Variants in CAPN1 observed in about 807,000 individuals in gnomAD.
The protein encoded by CAPN1 is calpain-1 catalytic subunit.
In CAPN1, 77 loss-of-function variants were observed where a neutral mutation model predicts 105.2. The observed-to-expected ratio is 0.73, with a 90% CI of 0.61 to 0.88. The LOEUF (loss-of-function observed/expected upper bound fraction) is 0.88, where lower values mean the gene tolerates loss of function less well. CAPN1 is among the 40% of genes least tolerant of loss of function. The probability of loss-of-function intolerance (pLI) is 0.00; values close to 1 mark genes in which losing one functional copy is unlikely to be tolerated. For missense variants in CAPN1, 833 were observed against 976.6 expected, an observed-to-expected ratio of 0.85 and a Z score of 1.96; for synonymous variants, 355 against 388.8, an observed-to-expected ratio of 0.91 and a Z score of 1.02.
At chr11:65,191,818 T>A (rs573580620) in intron 10 of CAPN1, among the ~76,000 whole-genome samples, 1 of 152,054 alleles carries the variant, frequency 6.6e-6, no homozygotes, top group African/African-American at 2.4e-5. Flanking sequence ...TGTTCCTCCC[T>A]TTTTTTTATT....
rs751145947 is a variant in CAPN1, at chr11:65,208,275, G to A, written c.1729+13G>A. On this transcript the variant is annotated intron_variant, in intron 16 of 21. Coordinates refer to ENST00000279247, the MANE Select transcript of CAPN1 (RefSeq NM_005186.4). The surrounding 1 kb of genome is among the most constrained non-coding windows in gnomAD (Gnocchi z 4.1). ...ATCATCAGCAAACGTGAGTCCCCGC[G>A]GGGCTGTCCCACCACCCCACCATTT... 1.1e-5 allele frequency: 17 copies of A among 1,555,044 alleles called. No individual in the cohort carries two copies. Among genetic ancestry groups the A allele is most frequent in the Admixed American group, 1.9e-5 (1 of 51,466 alleles).
At chr11:65,199,538 A>C (rs1417319775) in intron 10 of CAPN1, among the ~76,000 whole-genome samples, 2 of 152,270 alleles carry the variant, frequency 1.3e-5, no homozygotes, top group East Asian at 3.9e-4. Flanking sequence ...CACTCTCTGT[A>C]TATTCTAATA....
At chr11:65,182,539 G>A (rs1486271479) in intron 1 of CAPN1, 162 bp from the exon 2 acceptor site, 3 of 671,320 alleles carry the variant, frequency 4.5e-6, no homozygotes, top group Non-Finnish European at 7.1e-6. Context: ...GGAGCACCGG[G>A]AGGTGGCTGA....
At position 65,186,356 on chromosome 11, in the gene CAPN1, C is replaced by A; in HGVS notation, c.759+18C>A. On this transcript the variant is annotated intron_variant, in intron 6 of 21. Transcript: ENST00000279247. ...CCATAGACGTGAGTGTGCCCGGCCC[C>A]GATGCTTTGGTACCCTGGAACCCTG... The A allele has an allele frequency of 6.3e-7, 1 of 1,599,074 alleles. No individual in the cohort carries two copies. The highest frequency in any genetic ancestry group is 8.5e-7 in the Non-Finnish European group (1 of 1,172,134).
intron 12 of CAPN1, 89 bp from the exon 13 acceptor site, chr11:65,206,374 C>G (rs1948956858): frequency 9.9e-7 from 1 of 1,013,084 alleles, no homozygotes; most frequent in South Asian, 1.3e-5. Context: ...TTGGCCAGGA[C>G]AAGGAGCCTG....
At chr11:65,206,441 G>C (rs376056548) in intron 12 of CAPN1, 22 bp from the exon 13 acceptor site, 1 of 1,603,080 alleles carries the variant, frequency 6.2e-7, no homozygotes, top group African/African-American at 1.3e-5. Flanking sequence ...CTGCAGCCCT[G>C]CTCCCTCCTC....
At position 65,210,920 on chromosome 11, in the gene CAPN1, G is replaced by T. The variant is rs770668658; in HGVS notation, c.2118+48G>T. On this transcript the variant is annotated intron_variant, in intron 21 of 21. Coordinates refer to ENST00000279247, the MANE Select transcript of CAPN1 (RefSeq NM_005186.4). This position sits in a 1 kb window ranked among gnomAD's most constrained non-coding sequence, Gnocchi z 4.3. ...GGTTGGGGAAGAGTTCCAGGCGATC[G>T]AATTTTCTTATCTGGCCAGTGTTCC... is the stretch of plus-strand genomic sequence containing the variant. 2 of 1,493,034 alleles carry T rather than the reference G, an allele frequency of 1.3e-6. No individual in the cohort carries two copies. The highest frequency in any genetic ancestry group is 1.1e-5 in the South Asian group (1 of 88,578). The allele number at this position is 1,493,034 out of a possible 1,614,324, so 92.5% of individuals were successfully genotyped here.
chr11:65,183,956 G>C (rs1467110), intron 4 of CAPN1, among the ~76,000 whole-genome samples: 94,664 of 152,000 alleles, frequency 0.62, 30,198 homozygotes, highest in Non-Finnish European at 0.7. Flanking sequence ...CCTTCTCCAC[G>C]TGTCAAGCCT....
At chr11:65,203,034 G>T (rs971219100) in intron 10 of CAPN1, among the ~76,000 whole-genome samples, 16 of 152,066 alleles carry the variant, frequency 1.1e-4, no homozygotes, top group Non-Finnish European at 1.0e-4. Flanking sequence ...TGTTTGCAAG[G>T]TTCCTCCATG....
rs1590867288 is a variant in CAPN1, at chr11:65,209,151, C to A, written c.1730-172C>A. 3.2e-6 allele frequency: 2 copies of A among 616,214 alleles called. No homozygotes were observed. The highest frequency in any genetic ancestry group is 1.9e-5 in the South Asian group (1 of 52,894). 38.2% of individuals were successfully genotyped at this position (616,214 alleles called of 1,614,324 possible). On this transcript the variant is annotated intron_variant, in intron 16 of 21. Transcript: ENST00000279247. This position sits in a 1 kb window ranked among gnomAD's most constrained non-coding sequence, Gnocchi z 4.1. Reference sequence around the variant, plus strand: ...GGACTTTGGCTTGATTGCTAAAATACTTTACTTGTACTTCCTGATGATACA... The same window carrying A: ...GGACTTTGGCTTGATTGCTAAAATAATTTACTTGTACTTCCTGATGATACA...
intron 10 of CAPN1, among the ~76,000 whole-genome samples, chr11:65,200,273 T>C (rs1438755713): frequency 6.6e-6 from 1 of 152,040 alleles, no homozygotes; most frequent in African/African-American, 2.4e-5. Flanking sequence ...GCTCCAGGAC[T>C]CATGCGATCT....
chr11:65,197,412 A>C (rs959577321), intron 10 of CAPN1, among the ~76,000 whole-genome samples: 2 of 152,162 alleles, frequency 1.3e-5, no homozygotes, highest in African/African-American at 4.8e-5. Flanking sequence ...CTTCATCTCT[A>C]ATAATTATTT....
chr11:65,183,546 A>G lies in CAPN1; in HGVS notation c.410A>G (p.His137Arg). 6.2e-7 allele frequency: 1 copy of G among 1,613,824 alleles called. No homozygotes were observed. Among genetic ancestry groups the G allele is most frequent in the Non-Finnish European group, 8.5e-7 (1 of 1,179,812 alleles). Residue 137 changes from histidine to arginine, a missense_variant, in exon 4 of 22, where the codon CAC becomes CGC. By Grantham distance (29) the His-to-Arg change is conservative. Transcript: ENST00000279247. ...ACCCTCCTGCACCGAGTGGTTCCGCACGGCCAGAGCTTCCAGAATGGCTAT... is the reference window on the plus strand; with the variant it reads ...ACCCTCCTGCACCGAGTGGTTCCGCGCGGCCAGAGCTTCCAGAATGGCTAT... The part of the protein sequence containing the change: ...NDTLLHRVVP[H>R]GQSFQNGYAG...
At chr11:65,205,742 C>T (rs1268587069) in intron 12 of CAPN1, 21 bp downstream of exon 12, 1 of 1,611,704 alleles carries the variant, frequency 6.2e-7, no homozygotes, top group Admixed American at 1.7e-5. Flanking sequence ...CACCATGACC[C>T]ACCTGCAGTC....
rs2137397214 is a variant in CAPN1 at position 65,208,985 on chromosome 11, C to T, written c.1730-338C>T. 2.8e-6 allele frequency: 1 copy of T among 360,294 alleles called. No homozygotes were observed. The highest frequency in any genetic ancestry group is 2.9e-5 in the South Asian group (1 of 34,534). 22.3% of individuals were successfully genotyped at this position (360,294 alleles called of 1,614,324 possible). A position where few individuals can be genotyped will look rare whatever the true frequency, so the allele number is the denominator to read the frequency against. The stretch of plus-strand genomic sequence containing the variant: ...CACGGTTTCCTTAAGCAGAGCTTTT[C>T]TCCTCCTCTTCTCTGCTAGTGAAGC... On this transcript the variant is annotated intron_variant, in intron 16 of 21. Transcript: ENST00000279247. The surrounding 1 kb of genome is among the most constrained non-coding windows in gnomAD (Gnocchi z 4.1).
At chr11:65,194,453 A>G (rs1948763982) in intron 10 of CAPN1, among the ~76,000 whole-genome samples, 1 of 152,226 alleles carries the variant, frequency 6.6e-6, no homozygotes, top group Admixed American at 6.5e-5. Flanking sequence ...CACACACCAG[A>G]AAATTTGCAC....
chr11:65,190,777 A>G lies in CAPN1; in HGVS notation c.1165+2031A>G, dbSNP rs374981064. 4.7e-4 allele frequency among the ~76,000 whole-genome samples: 70 copies of G among 149,066 alleles called. No individual in the cohort carries two copies. In the South Asian group the frequency reaches 0.014, roughly 31 times the overall value. Reference sequence around the variant, plus strand: ...GCCCAGGCTGGAGTGCAGTGGCGCGATCTCGGCTCACTGCAACCTCTGCCT... The same window carrying G: ...GCCCAGGCTGGAGTGCAGTGGCGCGGTCTCGGCTCACTGCAACCTCTGCCT... On this transcript the variant is annotated intron_variant, in intron 10 of 21. Coordinates refer to ENST00000279247, the MANE Select transcript of CAPN1 (RefSeq NM_005186.4).
chr11:65,208,158 G>T lies in CAPN1; in HGVS notation c.1671+38G>T. The stretch of plus-strand genomic sequence containing the variant: ...ATGGCAGGTTGGGAGGGGCCTGTGA[G>T]GGGCAGCCCTCTCCTGGGGCAGGTG... On this transcript the variant is annotated intron_variant, in intron 15 of 21. Transcript: ENST00000279247. The surrounding 1 kb of genome is among the most constrained non-coding windows in gnomAD (Gnocchi z 4.1). The T allele has an allele frequency of 6.3e-7, 1 of 1,596,806 alleles. No individual in the cohort carries two copies.
rs1448734761 is a variant in CAPN1, at chr11:65,208,685, G to GGGAGGATGGCTTGAGACCAGGGAGGT, written c.1729+424_1729+449dup. On this transcript the variant is annotated intron_variant, in intron 16 of 21. Coordinates refer to ENST00000279247, the MANE Select transcript of CAPN1 (RefSeq NM_005186.4). The surrounding 1 kb of genome is among the most constrained non-coding windows in gnomAD (Gnocchi z 4.1). ...TCCCAGCTACTCAGGAGGCTGAGTT[G>GGGAGGATGGCTTGAGACCAGGGAGGT]GGAGGATGGCTTGAGACCAGGGAGG... The GGGAGGATGGCTTGAGACCAGGGAGGT allele has an allele frequency of 3.4e-6, 1 of 293,016 alleles. No homozygotes were observed. Among genetic ancestry groups the GGGAGGATGGCTTGAGACCAGGGAGGT allele is most frequent in the Non-Finnish European group, 6.7e-6 (1 of 150,060 alleles). 18.2% of individuals were successfully genotyped at this position (293,016 alleles called of 1,614,324 possible). A position where few individuals can be genotyped will look rare whatever the true frequency, so the allele number is the denominator to read the frequency against.
Sources: gnomAD v4.1 joint callset for allele counts (sites outside exome capture counted in the v4.1 genomes callset) on GRCh38, gnomAD v4.1.1 for gene constraint, Gnocchi (gnomAD v3.1) non-coding constraint, MANE v1.5 for transcripts, NCBI Gene and HGNC (gene_info 2026-07-23, HGNC 2026-07-21) for gene names.